The following TENM3 variants were observed in gnomAD, a reference collection of about 807,000 sequenced individuals.
The protein encoded by TENM3 is teneurin-3.
In TENM3, 63 loss-of-function variants were observed where a neutral mutation model predicts 255.1. That is an observed-to-expected ratio of 0.25 (90% CI 0.20 to 0.30). The LOEUF (loss-of-function observed/expected upper bound fraction) is 0.30, where lower values mean the gene tolerates loss of function less well. Among genes scored for constraint, TENM3 ranks in the 10% least tolerant of loss-of-function variants. TENM3 has a pLI of 1.00. For missense variants in TENM3, 2,929 were observed against 3,461.1 expected, an observed-to-expected ratio of 0.85 and a Z score of 3.86; for synonymous variants, 1,306 against 1,322.3, an observed-to-expected ratio of 0.99 and a Z score of 0.27.
chr4:182,754,465 A>G lies in TENM3; in HGVS notation c.4098A>G (p.Leu1366=), dbSNP rs10006205. 1,365 of 1,612,590 alleles carry G rather than the reference A, an allele frequency of 8.5e-4. 8 individuals carry two copies. The African/African-American group carries it at 0.017, about 19-fold the overall frequency. ...SIYVLDNNVV[L]QITENRQVRI... is the part of the protein sequence containing the mutation. ...ATGTCCTGGATAATAATGTAGTTTTACAGATCACTGAAAATCGTCAAGTTC... is the reference window on the plus strand; with the variant it reads ...ATGTCCTGGATAATAATGTAGTTTTGCAGATCACTGAAAATCGTCAAGTTC... Residue 1366 remains leucine (L), a synonymous_variant, in exon 22 of 28, where the codon TTA becomes TTG. Transcript: ENST00000511685. The surrounding 1 kb of genome is among the most constrained non-coding windows in gnomAD (Gnocchi z 5.1).
At chr4:182,217,289 G>T (rs891586883) in intron 1 of TENM3, among the ~76,000 whole-genome samples, 3 of 151,792 alleles carry the variant, frequency 2.0e-5, no homozygotes, top group Non-Finnish European at 4.4e-5. Context: ...CCAAAGTACT[G>T]GGATTACAGA....
intron 3 of TENM3, among the ~76,000 whole-genome samples, chr4:182,557,331 G>C (rs1742677942): frequency 6.6e-6 from 1 of 152,130 alleles, no homozygotes; most frequent in Non-Finnish European, 1.5e-5. Flanking sequence ...TGTGAACTAA[G>C]TACTCTGAGC....
At chr4:181,549,750 G>T in the TENM3 span, among the ~76,000 whole-genome samples, 1 of 152,174 alleles carries the variant, frequency 6.6e-6, no homozygotes, top group South Asian at 2.1e-4. Flanking sequence ...GATTAATCCT[G>T]TTCAAAATTT....
chr4:182,569,571 A>G (rs560423954), intron 3 of TENM3, among the ~76,000 whole-genome samples: 11 of 152,174 alleles, frequency 7.2e-5, no homozygotes, highest in East Asian at 5.8e-4. Context: ...GAAAAAAAAA[A>G]AAAGAAAGAA....
chr4:181,687,603 G>T, the TENM3 span, among the ~76,000 whole-genome samples: 1 of 152,160 alleles, frequency 6.6e-6, no homozygotes, highest in East Asian at 1.9e-4. Context: ...GCAGCCAGTT[G>T]TTAGACGCTG....
At chr4:182,352,627 G>T (rs769093503) in intron 3 of TENM3, among the ~76,000 whole-genome samples, 6 of 152,112 alleles carry the variant, frequency 3.9e-5, no homozygotes, top group Non-Finnish European at 8.8e-5. Flanking sequence ...ACATTAAAGT[G>T]CAGTCTTTTT....
chr4:181,941,302 T>G, the TENM3 span, among the ~76,000 whole-genome samples: 2 of 111,918 alleles, frequency 1.8e-5, no homozygotes, highest in Non-Finnish European at 4.0e-5. Context: ...TCCAGAACTT[T>G]TGTTTGATGT....
chr4:182,485,661 T>G (rs1734626976), intron 3 of TENM3, among the ~76,000 whole-genome samples: 1 of 20,888 alleles, frequency 4.8e-5, no homozygotes, highest in African/African-American at 6.5e-5. Context: ...ATGATTTATC[T>G]GTGGGTTTCT....
the TENM3 span, among the ~76,000 whole-genome samples, chr4:181,881,249 A>T: frequency 6.6e-6 from 1 of 152,144 alleles, no homozygotes; most frequent in Non-Finnish European, 1.5e-5. Context: ...AATCATTTAG[A>T]GGCAAGTATG....
chr4:182,475,613 T>G (rs1229637279), intron 3 of TENM3, among the ~76,000 whole-genome samples: 1 of 152,218 alleles, frequency 6.6e-6, no homozygotes, highest in Non-Finnish European at 1.5e-5. Context: ...GTAGCTTGCA[T>G]TATTAGAAAC....
chr4:182,616,305 G>A (rs1749510214), intron 4 of TENM3, among the ~76,000 whole-genome samples: 1 of 146,896 alleles, frequency 6.8e-6, no homozygotes, highest in South Asian at 2.1e-4. Flanking sequence ...TTGGTTTTTT[G>A]TTCTTGCGAT....
chr4:182,671,673 T>G (rs548986094), intron 6 of TENM3, among the ~76,000 whole-genome samples: 1 of 152,046 alleles, frequency 6.6e-6, no homozygotes, highest in South Asian at 2.1e-4. Flanking sequence ...TTTTTTTAAG[T>G]CACCTACAGT....
intron 1 of TENM3, among the ~76,000 whole-genome samples, chr4:182,209,780 C>A (rs372521134): frequency 1.3e-5 from 2 of 151,924 alleles, no homozygotes; most frequent in East Asian, 3.9e-4. Context: ...TGAAGGTGCA[C>A]GAACATAGCA....
chr4:182,680,442 G>GT lies in TENM3; in HGVS notation c.1639+93_1639+94insT, dbSNP rs111914645. On this transcript the variant is annotated intron_variant, in intron 9 of 27. Coordinates refer to ENST00000511685, the MANE Select transcript of TENM3 (RefSeq NM_001080477.4). ...ACTACCGAGACAGGAAAGAAAGGGGGGGGGAGACTGGCATATTGCTTGTTC... is the reference window on the plus strand; with the variant it reads ...ACTACCGAGACAGGAAAGAAAGGGGGTGGGGAGACTGGCATATTGCTTGTTC... The GT allele has an allele frequency of 0.032, 44,827 of 1,421,214 alleles. 1,521 individuals carry two copies. Among genetic ancestry groups the GT allele is most frequent in the African/African-American group, 0.16 (11,031 of 71,100 alleles). 88.0% of individuals were successfully genotyped at this position (1,421,214 alleles called of 1,614,324 possible). A position where few individuals can be genotyped will look rare whatever the true frequency, so the allele number is the denominator to read the frequency against.
chr4:182,480,599 G>A (rs559303254), intron 3 of TENM3, among the ~76,000 whole-genome samples: 4 of 151,912 alleles, frequency 2.6e-5, no homozygotes, highest in Non-Finnish European at 4.4e-5. Flanking sequence ...AAGTGTCTTC[G>A]TAAAGATGAA....
At chr4:181,669,644 C>T in the TENM3 span, among the ~76,000 whole-genome samples, 1 of 152,136 alleles carries the variant, frequency 6.6e-6, no homozygotes, top group Non-Finnish European at 1.5e-5. Flanking sequence ...ATACCCCCAG[C>T]GTATCAGCAC....
chr4:182,667,668 A>G (rs902010714), intron 6 of TENM3, among the ~76,000 whole-genome samples: 4 of 151,990 alleles, frequency 2.6e-5, no homozygotes, highest in Non-Finnish European at 5.9e-5. Flanking sequence ...ATTACATTTC[A>G]TGTTTCTTAC....
chr4:181,950,033 A>G, the TENM3 span, among the ~76,000 whole-genome samples: 2 of 152,170 alleles, frequency 1.3e-5, no homozygotes, highest in Non-Finnish European at 2.9e-5. Flanking sequence ...ACTTGCACGT[A>G]TATACGCAGA....
At chr4:182,608,240 AGATTGATT>A (rs573301794) in intron 4 of TENM3, among the ~76,000 whole-genome samples, 2 of 151,954 alleles carry the variant, frequency 1.3e-5, no homozygotes, top group Non-Finnish European at 2.9e-5. Context: ...GTTTTTTTAA[AGATTGATT>A]GATTGATTGA....
Sources: gnomAD v4.1 joint callset for allele counts (sites outside exome capture counted in the v4.1 genomes callset) on GRCh38, gnomAD v4.1.1 for gene constraint, Gnocchi (gnomAD v3.1) non-coding constraint, MANE v1.5 for transcripts, NCBI Gene and HGNC (gene_info 2026-07-23, HGNC 2026-07-21) for gene names.